Variants in CASP5 observed in about 807,000 individuals in gnomAD.
The protein encoded by CASP5 is caspase 5.
A neutral mutation model predicts 45.2 loss-of-function variants in CASP5; 42 were observed. The ratio of observed to expected loss-of-function variants is 0.93; its 90% CI spans 0.73 to 1.20. The LOEUF is 1.20. CASP5 is among the 50% of genes most tolerant of loss of function. The pLI, the probability that CASP5 is intolerant of heterozygous loss-of-function variation, is 0.00. For missense variants in CASP5, 512 were observed against 532.2 expected, an observed-to-expected ratio of 0.96 and a Z score of 0.37; for synonymous variants, 209 against 186.2, an observed-to-expected ratio of 1.12 and a Z score of -1.00.
chr11:104,994,773 GT>G (rs1340072169), intron 9 of CASP5, among the ~76,000 whole-genome samples: 1 of 152,142 alleles, frequency 6.6e-6, no homozygotes, highest in Non-Finnish European at 1.5e-5. Context: ...CTTGTATTCT[GT>G]GCTGGAACAC....
At chr11:105,022,180 G>T (rs1244298967) in intron 1 of CASP5, among the ~76,000 whole-genome samples, 1 of 114,278 alleles carries the variant, frequency 8.8e-6, no homozygotes, top group Admixed American at 1.0e-4. Flanking sequence ...GGAGGGGGGA[G>T]GGATAGCATT....
chr11:105,002,020 G>A lies in CASP5; in HGVS notation c.717+8C>T. The A allele has an allele frequency of 6.2e-7, 1 of 1,613,650 alleles. No individual in the cohort carries two copies. Among genetic ancestry groups the A allele is most frequent in the Non-Finnish European group, 8.5e-7 (1 of 1,179,784 alleles). On this transcript the variant is annotated splice_region_variant and intron_variant, in intron 5 of 9. Transcript: ENST00000260315. The stretch of plus-strand genomic sequence containing the variant: ...TGGATGAGTGTGAGATGGCTTAGGG[G>A]TTCTTACCCTGGCTGTGAGATTCTT...
In CASP5 at chr11:105,000,258, C is replaced by T. The variant is rs779557239; in HGVS notation, c.952+3G>A. ...CTGTTAGATGTTCAGCCTCAGCACT[C>T]ACCACCTCTGCAGGCCTGGACAATG... On this transcript the variant is annotated splice_donor_region_variant and intron_variant, in intron 6 of 9. Coordinates refer to ENST00000260315, the MANE Select transcript of CASP5 (RefSeq NM_004347.5). 9 of 1,614,172 alleles carry T rather than the reference C, an allele frequency of 5.6e-6. No individual in the cohort carries two copies. In the East Asian group the frequency reaches 2.0e-4, roughly 36 times the overall value.
At chr11:105,000,630 T>C (rs1476627940) in intron 5 of CASP5, 135 bp from the exon 6 acceptor site, 2 of 756,798 alleles carry the variant, frequency 2.6e-6, no homozygotes, top group Non-Finnish European at 4.2e-6. Context: ...TACTCAGTCA[T>C]GACAGCAGTT....
chr11:105,021,424 A>T (rs1862954613), intron 1 of CASP5, among the ~76,000 whole-genome samples: 1 of 148,324 alleles, frequency 6.7e-6, no homozygotes, highest in East Asian at 1.9e-4. Context: ...ACAAAGGGCT[A>T]ATATCCAGAA....
chr11:105,004,674 T>C (rs986407208), intron 3 of CASP5, among the ~76,000 whole-genome samples: 1 of 152,216 alleles, frequency 6.6e-6, no homozygotes, highest in Admixed American at 6.5e-5. Flanking sequence ...TCTTCATTTT[T>C]AATAATATTT....
intron 6 of CASP5, among the ~76,000 whole-genome samples, chr11:104,999,741 C>T (rs1861632627): frequency 6.6e-6 from 1 of 152,048 alleles, no homozygotes; most frequent in Non-Finnish European, 1.5e-5. Context: ...AAATATACAT[C>T]CCAATAGTCA....
Position 105,002,275 on chromosome 11 carries a change from C to CT in CASP5, c.544-75dup, listed in dbSNP as rs1377116830. On this transcript the variant is annotated intron_variant, in intron 4 of 9. Coordinates refer to ENST00000260315, the MANE Select transcript of CASP5 (RefSeq NM_004347.5). The stretch of plus-strand genomic sequence containing the variant: ...AACCCCCATATGCCTCACAATTTTG[C>CT]TTTTTTAAGACCTCATGCAGCTGCC... 7.8e-5 allele frequency: 110 copies of CT among 1,402,820 alleles called. No homozygotes were observed. The East Asian group carries it at 8.2e-4, about 10-fold the overall frequency. The allele number at this position is 1,402,820 out of a possible 1,614,324, so 86.9% of individuals were successfully genotyped here. A position where few individuals can be genotyped will look rare whatever the true frequency, so the allele number is the denominator to read the frequency against.
rs547124690 is a variant in CASP5 at position 105,005,076 on chromosome 11, A to G, written c.434-1693T>C. ...TACAAAATAATAAATATTATAGTGC[A>G]GTCTCCTTCCAAAGAGAGTTTCTAT... On this transcript the variant is annotated intron_variant, in intron 3 of 9. Transcript: ENST00000260315. Among the ~76,000 whole-genome samples, 113 of 152,288 alleles carry G rather than the reference A, an allele frequency of 7.4e-4. 3 individuals are homozygous for G. The South Asian group carries it at 0.022, about 30-fold the overall frequency.
chr11:105,007,265 A>G lies in CASP5; in HGVS notation c.251T>C (p.Phe84Ser), dbSNP rs563442340. The G allele has an allele frequency of 9.9e-5, 159 of 1,612,326 alleles. 2 individuals are homozygous for G. In the South Asian group the frequency reaches 1.6e-3, roughly 17 times the overall value. Reference protein sequence around the residue: ...YLGKDVLHGVFNYLAKHDVLT... With the variant: ...YLGKDVLHGVSNYLAKHDVLT... The stretch of plus-strand genomic sequence containing the variant: ...AACATCGTGTTTTGCCAAATAATTA[A>G]AAACACCATGAAGAACATCTTTGCC... Residue 84 changes from phenylalanine to serine, a missense_variant, in exon 3 of 10, where the codon TTT becomes TCT. Physicochemically the swap from Phe to Ser is radical, Grantham distance 155. Coordinates refer to ENST00000260315, the MANE Select transcript of CASP5 (RefSeq NM_004347.5).
Position 105,002,076 on chromosome 11 carries a change from A to G in CASP5, c.669T>C (p.Leu223=). ...CAACCACAGTGTAGCCCAGGCCTTG[A>G]AGCAGCCTTTTCATCCCCACGATGT... ...HYDIVGMKRL[L]QGLGYTVVDE... Residue 223 remains leucine, a synonymous_variant, in exon 5 of 10, where the codon CTT becomes CTC. Coordinates refer to ENST00000260315, the MANE Select transcript of CASP5 (RefSeq NM_004347.5). 1 of 1,614,078 alleles carries G rather than the reference A, an allele frequency of 6.2e-7. No individual in the cohort carries two copies.
chr11:105,014,256 T>C (rs1254369487), intron 1 of CASP5, among the ~76,000 whole-genome samples: 1 of 151,934 alleles, frequency 6.6e-6, no homozygotes, highest in Non-Finnish European at 1.5e-5. Context: ...CCTATTCTCC[T>C]ATACTTTCTG....
intron 1 of CASP5, 114 bp downstream of exon 1, chr11:105,023,016 G>A: frequency 1.1e-6 from 1 of 927,586 alleles, no homozygotes; most frequent in Non-Finnish European, 1.7e-6. Flanking sequence ...GATTCAGCAT[G>A]CACACTATTG....
intron 1 of CASP5, among the ~76,000 whole-genome samples, chr11:105,016,018 T>C (rs939124210): frequency 6.6e-6 from 1 of 152,164 alleles, no homozygotes; most frequent in African/African-American, 2.4e-5. Context: ...TAAAACACTA[T>C]CTGAAAGTTT....
In CASP5 at chr11:105,018,190, C is replaced by T. The variant is rs370032667; in HGVS notation, c.7+4940G>A. On this transcript the variant is annotated intron_variant, in intron 1 of 9. Coordinates refer to ENST00000260315, the MANE Select transcript of CASP5 (RefSeq NM_004347.5). ...ATGGAAAGGAACAACCGGTACCAGCCGCTGCAAAATCATGCCAAAATGTAA... is the reference window on the plus strand; with the variant it reads ...ATGGAAAGGAACAACCGGTACCAGCTGCTGCAAAATCATGCCAAAATGTAA... 1.9e-4 allele frequency among the ~76,000 whole-genome samples: 29 copies of T among 151,674 alleles called. No individual in the cohort carries two copies. In the East Asian group the frequency reaches 3.1e-3, roughly 16 times the overall value.
chr11:104,995,825 T>C lies in CASP5; in HGVS notation c.1224A>G (p.Glu408=). ...GCATCTGGGCTTTAGCCTGTGGAAC[T>C]TCAAATGATTTCTGTACCTAAAAGA... ...EIFRKVQKSF[E]VPQAKAQMPT... Residue 408 remains glutamate, a synonymous_variant, in exon 9 of 10, where the codon GAA becomes GAG. Coordinates refer to ENST00000260315, the MANE Select transcript of CASP5 (RefSeq NM_004347.5). 1 of 1,610,918 alleles carries C rather than the reference T, an allele frequency of 6.2e-7. No individual in the cohort carries two copies. The highest frequency in any genetic ancestry group is 8.5e-7 in the Non-Finnish European group (1 of 1,177,508).
At chr11:105,005,350 ATATATATGTG>A (rs982520913) in intron 3 of CASP5, among the ~76,000 whole-genome samples, 3 of 120,526 alleles carry the variant, frequency 2.5e-5, no homozygotes, top group African/African-American at 1.2e-4. Flanking sequence ...TAGTGTGTAT[ATATATATGTG>A]TGTGTGTGTG....
At chr11:104,996,721 A>G (rs934818012) in intron 8 of CASP5, among the ~76,000 whole-genome samples, 1 of 152,104 alleles carries the variant, frequency 6.6e-6, no homozygotes, top group African/African-American at 2.4e-5. Flanking sequence ...TTAGTGAGTA[A>G]ATACAGGTAA....
At position 104,998,911 on chromosome 11, in the gene CASP5, A is replaced by G. The variant is rs1433639903; in HGVS notation, c.1070T>C (p.Phe357Ser). ...SVCKIHEEKD[F>S]IAFCSSTPHN... is the part of the protein sequence containing the mutation. ...TGGTGTTGAAGAACAGAAAGCAATG[A>G]AGTCCTTCTCCTCGTGGATCTTGCA... Residue 357 changes from phenylalanine (F) to serine (S), a missense_variant, in exon 7 of 10, where the codon TTC (phenylalanine) becomes TCC (serine). Coordinates refer to ENST00000260315, the MANE Select transcript of CASP5 (RefSeq NM_004347.5). 6.2e-7 allele frequency: 1 copy of G among 1,613,802 alleles called. No individual in the cohort carries two copies. The highest frequency in any genetic ancestry group is 1.1e-5 in the South Asian group (1 of 91,010).
Sources: allele counts gnomAD v4.1 joint callset (sites outside exome capture counted in the v4.1 genomes callset), GRCh38; gene constraint gnomAD v4.1.1; transcripts MANE v1.5; gene names NCBI Gene and HGNC (gene_info 2026-07-23, HGNC 2026-07-21).